The following AGBL1 variants were observed in gnomAD, a reference collection of about 807,000 sequenced individuals.
AGBL1 encodes cytosolic carboxypeptidase 4.
Under a neutral mutation model 118.9 loss-of-function variants are expected in AGBL1, and 130 were observed. The observed-to-expected ratio is 1.09, with a 90% CI of 0.95 to 1.26. AGBL1 has a LOEUF of 1.26. AGBL1 is among the 50% of genes most tolerant of loss of function. The pLI is 0.00. For synonymous variants in AGBL1, 555 were observed against 478.9 expected, an observed-to-expected ratio of 1.16 and a Z score of -2.08; for missense variants, 1,584 against 1,298.1, an observed-to-expected ratio of 1.22 and a Z score of -3.38.
chr15:86,402,337 A>G (rs2081461483), intron 18 of AGBL1, among the ~76,000 whole-genome samples: 1 of 152,070 alleles, frequency 6.6e-6, no homozygotes, highest in African/African-American at 2.4e-5. Context: ...TTCATTGATT[A>G]GATGTAGGAG....
chr15:86,451,202 AC>A (rs147543913), intron 18 of AGBL1, among the ~76,000 whole-genome samples: 34,315 of 151,912 alleles, frequency 0.23, 5,247 homozygotes, highest in African/African-American at 0.44. Flanking sequence ...AGCATGTGTG[AC>A]TTTCTCAGTA....
chr15:86,752,846 C>A (rs2077875510), intron 22 of AGBL1, among the ~76,000 whole-genome samples: 1 of 152,122 alleles, frequency 6.6e-6, no homozygotes, highest in South Asian at 2.1e-4. Flanking sequence ...AATGCATTTT[C>A]TGAACCAAAA....
intron 23 of AGBL1, among the ~76,000 whole-genome samples, chr15:86,935,456 GCTAATGAGTGA>G (rs1382777183): frequency 6.6e-6 from 1 of 152,200 alleles, no homozygotes; most frequent in Non-Finnish European, 1.5e-5. Flanking sequence ...AGGCAAGCCA[GCTAATGAGTGA>G]CATTTCCCCA....
At chr15:86,541,745 A>G (rs2083500304) in intron 19 of AGBL1, among the ~76,000 whole-genome samples, 1 of 152,110 alleles carries the variant, frequency 6.6e-6, no homozygotes, top group Admixed American at 6.5e-5. Flanking sequence ...AAAATTCTGT[A>G]ATAACATCAC....
At chr15:86,535,666 T>C (rs947118553) in intron 19 of AGBL1, among the ~76,000 whole-genome samples, 7 of 152,348 alleles carry the variant, frequency 4.6e-5, no homozygotes, top group African/African-American at 1.7e-4. Context: ...TTTGTCTTTC[T>C]CTGGGGCCCA....
chr15:86,284,863 G>A (rs192319976), intron 16 of AGBL1, among the ~76,000 whole-genome samples: 67 of 152,314 alleles, frequency 4.4e-4, no homozygotes, highest in African/African-American at 1.6e-3. Flanking sequence ...GGATGAGGCT[G>A]CAGGCTAAGG....
intron 19 of AGBL1, among the ~76,000 whole-genome samples, chr15:86,535,856 A>G (rs1444544498): frequency 6.6e-6 from 1 of 152,196 alleles, no homozygotes; most frequent in East Asian, 1.9e-4. Flanking sequence ...ATACACATGA[A>G]TTGTTTTATT....
intron 18 of AGBL1, among the ~76,000 whole-genome samples, chr15:86,447,716 C>T (rs80170571): frequency 0.042 from 6,382 of 152,228 alleles, 195 homozygotes; most frequent in South Asian, 0.096. Context: ...TACTGAGTAT[C>T]TGGTAGGGCC....
chr15:86,546,778 T>C (rs2083589534), intron 20 of AGBL1, among the ~76,000 whole-genome samples: 1 of 152,192 alleles, frequency 6.6e-6, no homozygotes, highest in Admixed American at 6.5e-5. Context: ...AAGGGAGTAC[T>C]TCTTCCCATC....
chr15:86,492,872 A>G (rs1275314592), intron 18 of AGBL1, among the ~76,000 whole-genome samples: 2 of 152,098 alleles, frequency 1.3e-5, no homozygotes, highest in Non-Finnish European at 2.9e-5. Flanking sequence ...GAGAGACAAC[A>G]TGGTGATCAG....
chr15:86,143,686 G>T lies in AGBL1; in HGVS notation c.116-13G>T. ...ATTACTTGTGGCTCATCTTTCCTCC[G>T]GTTTCCCCTCAGGCACAGACCGGAG... On this transcript the variant is annotated splice_polypyrimidine_tract_variant and intron_variant, in intron 2 of 22. Transcript: ENST00000614907. 6.2e-7 allele frequency: 1 copy of T among 1,612,012 alleles called. No homozygotes were observed. Among genetic ancestry groups the T allele is most frequent in the Non-Finnish European group, 8.5e-7 (1 of 1,178,862 alleles).
At chr15:87,018,939 A>C (rs1399826266) in intron 24 of AGBL1, among the ~76,000 whole-genome samples, 1 of 152,146 alleles carries the variant, frequency 6.6e-6, no homozygotes, top group East Asian at 1.9e-4. Flanking sequence ...AAATTTACCA[A>C]ATGGAAAACA....
Position 86,909,922 on chromosome 15 carries a change from G to A in AGBL1, c.*2628G>A, listed in dbSNP as rs993177027. On this transcript the variant is annotated 3_prime_UTR_variant, in exon 23 of 23. Coordinates refer to ENST00000614907, the MANE Select transcript of AGBL1 (RefSeq NM_001386094.1). ...GTTCAGAAAAAGCCAGGAACATGAA[G>A]TATTTGTTGATCCATCTATGTAACA... 6.6e-6 allele frequency: 1 copy of A among 152,206 alleles called. No individual in the cohort carries two copies. Among genetic ancestry groups the A allele is most frequent in the African/African-American group, 2.4e-5 (1 of 41,458 alleles). 9.4% of individuals were successfully genotyped at this position (152,206 alleles called of 1,614,324 possible).
chr15:86,517,234 C>T (rs1038493837), intron 18 of AGBL1, among the ~76,000 whole-genome samples: 2 of 152,178 alleles, frequency 1.3e-5, no homozygotes, highest in African/African-American at 4.8e-5. Context: ...GTAATAATTC[C>T]TTTGTGAATG....
chr15:86,396,102 T>A (rs546374703), intron 17 of AGBL1, among the ~76,000 whole-genome samples: 6 of 149,030 alleles, frequency 4.0e-5, no homozygotes, highest in African/African-American at 1.5e-4. Context: ...TTCTATTGTA[T>A]CTATGTGTGT....
intron 22 of AGBL1, among the ~76,000 whole-genome samples, chr15:86,808,389 C>T (rs1368393429): frequency 6.6e-6 from 1 of 152,158 alleles, no homozygotes; most frequent in Non-Finnish European, 1.5e-5. Context: ...ATTGAGTTGA[C>T]ATAGCAAATA....
chr15:86,870,685 CT>C (rs1476620623), intron 22 of AGBL1, among the ~76,000 whole-genome samples: 1 of 151,998 alleles, frequency 6.6e-6, no homozygotes, highest in African/African-American at 2.4e-5. Context: ...AAAAAGGCAT[CT>C]GATGAATAAA....
At chr15:86,498,204 TG>T (rs747542452) in intron 18 of AGBL1, among the ~76,000 whole-genome samples, 5 of 151,954 alleles carry the variant, frequency 3.3e-5, no homozygotes, top group Admixed American at 6.6e-5. Flanking sequence ...TCTTTATAAT[TG>T]ACCCCCAATT....
At chr15:86,591,550 C>T (rs2084335848) in intron 21 of AGBL1, among the ~76,000 whole-genome samples, 1 of 152,154 alleles carries the variant, frequency 6.6e-6, no homozygotes, top group Non-Finnish European at 1.5e-5. Flanking sequence ...GAAACACTTA[C>T]TTGTGTTTAC....
Sources: gnomAD v4.1 joint callset for allele counts (sites outside exome capture counted in the v4.1 genomes callset) on GRCh38, gnomAD v4.1.1 for gene constraint, MANE v1.5 for transcripts, NCBI Gene and HGNC (gene_info 2026-07-23, HGNC 2026-07-21) for gene names.